Variants in TRAPPC11 observed in about 807,000 individuals in gnomAD.
TRAPPC11 encodes the protein foie gras homolog.
A neutral mutation model predicts 151.2 loss-of-function variants in TRAPPC11; 104 were observed. The ratio of observed to expected loss-of-function variants is 0.69; its 90% CI spans 0.59 to 0.81. The LOEUF (loss-of-function observed/expected upper bound fraction) is 0.81, where lower values mean the gene tolerates loss of function less well. TRAPPC11 is among the 30% of genes least tolerant of loss of function. The probability of loss-of-function intolerance (pLI) is 0.00; values close to 1 mark genes in which losing one functional copy is unlikely to be tolerated. For synonymous variants in TRAPPC11, 456 were observed against 472.3 expected (o/e 0.97, Z 0.45); for missense variants, 1,230 against 1,349.6 (o/e 0.91, Z 1.39).
In TRAPPC11 at chr4:183,705,058, C is replaced by T; in HGVS notation, c.3043C>T (p.His1015Tyr). The change falls in exon 27 of 30, where the codon CAT becomes TAT. Residue 1015 changes from histidine (H) to tyrosine (Y), a missense_variant. Transcript: ENST00000334690. ...PHVIVENIPL[H>Y]VNADLPSFGR... ...CGTGATTGTGGAGAATATCCCTCTC[C>T]ATGTGAATGCAGGTAGCGGAATTCA... The T allele has an allele frequency of 6.3e-7, 1 of 1,585,966 alleles. No homozygotes were observed. The highest frequency in any genetic ancestry group is 8.6e-7 in the Non-Finnish European group (1 of 1,160,016).
At chr4:183,692,816 T>C (rs1471515586) in intron 19 of TRAPPC11, 144 bp from the exon 20 acceptor site, 3 of 635,126 alleles carry the variant, frequency 4.7e-6, no homozygotes, top group Non-Finnish European at 7.8e-6. Context: ...AGACCTCTAA[T>C]AGCAGGTGTT....
intron 19 of TRAPPC11, among the ~76,000 whole-genome samples, chr4:183,692,268 A>G (rs1164174172): frequency 6.6e-6 from 1 of 152,146 alleles, no homozygotes; most frequent in Non-Finnish European, 1.5e-5. Context: ...AGCTCATCTA[A>G]ACTTGGGACC....
At chr4:183,708,697 T>C (rs1737202640) in intron 29 of TRAPPC11, 123 bp downstream of exon 29, 4 of 856,818 alleles carry the variant, frequency 4.7e-6, no homozygotes, top group Non-Finnish European at 7.2e-6. Flanking sequence ...CCTTTTATTA[T>C]ATGTATTTGG....
At position 183,694,159 on chromosome 4, in the gene TRAPPC11, A is replaced by C. The variant is rs1419126822; in HGVS notation, c.2508+121A>C. 12 of 1,031,562 alleles carry C rather than the reference A, an allele frequency of 1.2e-5. No individual in the cohort carries two copies. In the South Asian group the frequency reaches 2.0e-4, roughly 18 times the overall value. 63.9% of individuals were successfully genotyped at this position (1,031,562 alleles called of 1,614,324 possible). A position where few individuals can be genotyped will look rare whatever the true frequency, so the allele number is the denominator to read the frequency against. ...ATTCTAGGACTGAAAAAGTGATTTA[A>C]CTAATGAACATTTCATACACATTTT... On this transcript the variant is annotated intron_variant, in intron 22 of 29. Transcript: ENST00000334690.
chr4:183,705,429 A>G (rs1403963724), intron 27 of TRAPPC11, among the ~76,000 whole-genome samples: 1 of 152,084 alleles, frequency 6.6e-6, no homozygotes, highest in East Asian at 1.9e-4. Context: ...ATGTTTTTTC[A>G]GTTTATTTTG....
chr4:183,661,678 C>T lies in TRAPPC11; in HGVS notation c.-21-2169C>T, dbSNP rs138392635. ...GAGCCACCGCGCCCGGCCAGATTAC[C>T]TTTTAAAAGAGCCTCATGACACATT... On this transcript the variant is annotated intron_variant, in intron 1 of 29. Transcript: ENST00000334690. 9.9e-5 allele frequency among the ~76,000 whole-genome samples: 15 copies of T among 151,328 alleles called. 1 individual carries two copies. In the East Asian group the frequency reaches 2.9e-3, roughly 29 times the overall value.
intron 19 of TRAPPC11, among the ~76,000 whole-genome samples, chr4:183,692,575 AT>A (rs2111063630): frequency 6.6e-6 from 1 of 152,302 alleles, no homozygotes; most frequent in South Asian, 2.1e-4. Flanking sequence ...TTTGAGAAAA[AT>A]ATTTGTGGAG....
chr4:183,703,107 A>G (rs188220313), intron 26 of TRAPPC11, among the ~76,000 whole-genome samples: 1 of 152,370 alleles, frequency 6.6e-6, no homozygotes, highest in African/African-American at 2.4e-5. Flanking sequence ...CAAAGCATAG[A>G]ACAAGAAGGA....
chr4:183,679,448 A>G lies in TRAPPC11; in HGVS notation c.927A>G (p.Ala309=), dbSNP rs4241779. 0.44 allele frequency: 709,064 copies of G among 1,609,180 alleles called. 159,531 individuals carry two copies. Among genetic ancestry groups the G allele is most frequent in the African/African-American group, 0.62 (46,459 of 74,802 alleles). The change falls in exon 9 of 30, where the codon GCA becomes GCG. Residue 309 remains alanine (A), a synonymous_variant. Coordinates refer to ENST00000334690, the MANE Select transcript of TRAPPC11 (RefSeq NM_021942.6). ...TGTGTAAGAAAAAGATTGGAAGTGC[A>G]GAGCTGTCTTTTGAGCATGATGCAT... ...IDLCKKKIGS[A]ELSFEHDAWM...
intron 1 of TRAPPC11, 62 bp downstream of exon 1, chr4:183,659,509 T>C (rs1487442110): frequency 5.2e-5 from 8 of 152,674 alleles, no homozygotes; most frequent in African/African-American, 1.7e-4. Context: ...GAGCTAGCTC[T>C]TAACAATGCT....
At chr4:183,659,809 CTT>C (rs1185145032) in intron 1 of TRAPPC11, among the ~76,000 whole-genome samples, 1 of 152,174 alleles carries the variant, frequency 6.6e-6, no homozygotes, top group Non-Finnish European at 1.5e-5. Flanking sequence ...TGTCGTTCCT[CTT>C]TTGTTCGTTT....
intron 18 of TRAPPC11, among the ~76,000 whole-genome samples, chr4:183,688,321 G>A (rs573345151): frequency 6.4e-4 from 97 of 152,296 alleles, no homozygotes; most frequent in African/African-American, 2.3e-3. Context: ...CGAAAAGATG[G>A]AGGGGGAGAA....
Position 183,679,486 on chromosome 4 carries a change from A to G in TRAPPC11, c.965A>G (p.Gln322Arg). The change falls in exon 9 of 30, where the codon CAA (glutamine) becomes CGA (arginine). Residue 322 changes from glutamine (Q) to arginine (R), a missense_variant and splice_region_variant. Gln to Arg is a conservative substitution (Grantham distance 43, BLOSUM62 1). Coordinates refer to ENST00000334690, the MANE Select transcript of TRAPPC11 (RefSeq NM_021942.6). Reference sequence around the variant, plus strand: ...GAGCATGATGCATGGATGTCTAAACAGTATGTTTTACATTGTCCTTTTAGA... The same window carrying G: ...GAGCATGATGCATGGATGTCTAAACGGTATGTTTTACATTGTCCTTTTAGA... The part of the protein sequence containing the change: ...SFEHDAWMSK[Q>R]FQAFGDLFDE... 1 of 1,601,430 alleles carries G rather than the reference A, an allele frequency of 6.2e-7. No individual in the cohort carries two copies. The highest frequency in any genetic ancestry group is 2.2e-5 in the East Asian group (1 of 44,512).
rs575528132 is a variant in TRAPPC11, at chr4:183,659,379, C to T, written c.-90C>T. The stretch of plus-strand genomic sequence containing the variant: ...ACGGCGTTCTGTGACATCCCCCCGC[C>T]TCCCCTCGTCTTCTCCCGGCTGGCG... On this transcript the variant is annotated 5_prime_UTR_variant, in exon 1 of 30. Coordinates refer to ENST00000334690, the MANE Select transcript of TRAPPC11 (RefSeq NM_021942.6). 2.3e-4 allele frequency: 38 copies of T among 167,486 alleles called. No individual in the cohort carries two copies. The highest frequency in any genetic ancestry group is 9.0e-4 in the African/African-American group (38 of 42,190). The allele number at this position is 167,486 out of a possible 1,614,324, so 10.4% of individuals were successfully genotyped here.
At chr4:183,685,481 A>G (rs1735919130) in intron 17 of TRAPPC11, 78 bp downstream of exon 17, 1 of 1,471,782 alleles carries the variant, frequency 6.8e-7, no homozygotes, top group African/African-American at 1.4e-5. Flanking sequence ...AGAATAATAA[A>G]TATAAAAGTC....
intron 1 of TRAPPC11, among the ~76,000 whole-genome samples, 154 bp from the exon 2 acceptor site, chr4:183,663,693 G>A (rs1734681090): frequency 6.9e-6 from 1 of 144,778 alleles, no homozygotes. Flanking sequence ...TTTTTGTAAT[G>A]ATTTTTAAAT....
At chr4:183,664,790 C>A (rs79647137) in intron 2 of TRAPPC11, among the ~76,000 whole-genome samples, 3,505 of 151,924 alleles carry the variant, frequency 0.023, 165 homozygotes, top group African/African-American at 0.08. Flanking sequence ...GTGATAAAAC[C>A]CTTTTAGTTC....
intron 2 of TRAPPC11, among the ~76,000 whole-genome samples, chr4:183,665,373 C>T (rs11132205): frequency 1 from 151,642 of 152,252 alleles, 75,522 homozygotes; most frequent in Non-Finnish European, 1. Context: ...GGATTACAGG[C>T]GTGAGCCACC....
chr4:183,697,402 A>C, intron 23 of TRAPPC11, 101 bp from the exon 24 acceptor site: 2 of 1,068,268 alleles, frequency 1.9e-6, no homozygotes, highest in South Asian at 2.9e-5. Context: ...AGTATGTATA[A>C]TTTGGGATTA....
Sources: gnomAD v4.1 joint callset for allele counts (sites outside exome capture counted in the v4.1 genomes callset) on GRCh38, gnomAD v4.1.1 for gene constraint, MANE v1.5 for transcripts, NCBI Gene and HGNC (gene_info 2026-07-23, HGNC 2026-07-21) for gene names.